Variants in GCFC2 observed in about 807,000 individuals in gnomAD.
The protein encoded by GCFC2 is intron Large complex component GCFC2.
A neutral mutation model predicts 99.4 loss-of-function variants in GCFC2; 102 were observed. That is an observed-to-expected ratio of 1.03 (90% CI 0.87 to 1.21). GCFC2 has a LOEUF of 1.21. Among genes scored for constraint, GCFC2 ranks in the 50% most tolerant of loss-of-function variants. The probability of loss-of-function intolerance (pLI) is 0.00; values close to 1 mark genes in which losing one functional copy is unlikely to be tolerated. For missense variants in GCFC2, 973 were observed against 920.9 expected, an observed-to-expected ratio of 1.06 and a Z score of -0.73; for synonymous variants, 338 against 316.8, an observed-to-expected ratio of 1.07 and a Z score of -0.71.
intron 11 of GCFC2, among the ~76,000 whole-genome samples, chr2:75,682,884 C>G (rs1159800044): frequency 6.6e-6 from 1 of 151,644 alleles, no homozygotes; most frequent in African/African-American, 2.4e-5. Flanking sequence ...AGCGAGAAGA[C>G]AAGTTTAGAG....
At chr2:75,705,788 G>A (rs949176774) in intron 2 of GCFC2, among the ~76,000 whole-genome samples, 1 of 152,008 alleles carries the variant, frequency 6.6e-6, no homozygotes, top group South Asian at 2.1e-4. Context: ...TGAAAAAGGA[G>A]TCCACGGCAC....
chr2:75,679,361 T>C (rs1206989178), intron 12 of GCFC2, among the ~76,000 whole-genome samples: 1 of 152,218 alleles, frequency 6.6e-6, no homozygotes, highest in Non-Finnish European at 1.5e-5. Context: ...AATTTCTCCT[T>C]AATTTCCTAA....
chr2:75,706,262 C>T (rs1417303825), intron 2 of GCFC2, among the ~76,000 whole-genome samples: 1 of 152,200 alleles, frequency 6.6e-6, no homozygotes, highest in Non-Finnish European at 1.5e-5. Flanking sequence ...GTATCAATGT[C>T]AATCACCCAG....
intron 11 of GCFC2, among the ~76,000 whole-genome samples, chr2:75,682,293 C>T (rs1679616537): frequency 6.6e-6 from 1 of 151,830 alleles, no homozygotes. Context: ...CTGGTGATAC[C>T]CAGGCAAACA....
At chr2:75,671,373 G>C (rs375935021) in intron 14 of GCFC2, among the ~76,000 whole-genome samples, 11 of 152,264 alleles carry the variant, frequency 7.2e-5, no homozygotes, top group African/African-American at 2.2e-4. Context: ...CTGAAATTCA[G>C]ACTTATGTAT....
chr2:75,675,153 G>A lies in GCFC2; in HGVS notation c.1813-1633C>T, dbSNP rs114061453. The stretch of plus-strand genomic sequence containing the variant: ...ATAAAGGACATTATTGAATCAACTG[G>A]CAAAAGTGGAATATGGATGGTAGAT... On this transcript the variant is annotated intron_variant, in intron 12 of 16. Transcript: ENST00000321027. 9.2e-3 allele frequency among the ~76,000 whole-genome samples: 1,408 copies of A among 152,222 alleles called. 12 individuals are homozygous for A. Among genetic ancestry groups the A allele is most frequent in the South Asian group, 0.025 (123 of 4,832 alleles).
chr2:75,673,807 T>G (rs1679229563), intron 12 of GCFC2, among the ~76,000 whole-genome samples: 2 of 152,190 alleles, frequency 1.3e-5, no homozygotes, highest in Admixed American at 1.3e-4. Flanking sequence ...CCATAAAAAT[T>G]CTTGTACATG....
chr2:75,701,793 G>C (rs996316407), intron 3 of GCFC2: 2 of 851,034 alleles, frequency 2.4e-6, no homozygotes, highest in Non-Finnish European at 2.8e-6. Context: ...TTAAGGCTTA[G>C]TATTATTGGT....
chr2:75,710,947 C>G (rs927765729), upstream of GCFC2: 15 of 1,369,942 alleles, frequency 1.1e-5, no homozygotes, highest in East Asian at 3.1e-5. Flanking sequence ...CCCGCCGCGC[C>G]TGGCCGCCGA....
rs768013682 is a variant in GCFC2 at position 75,663,315 on chromosome 2, CTTAAG to C, written c.*1346_*1350del. 4.6e-5 allele frequency: 7 copies of C among 152,202 alleles called. No individual in the cohort carries two copies. Among genetic ancestry groups the C allele is most frequent in the South Asian group, 2.1e-4 (1 of 4,824 alleles). The allele number at this position is 152,202 out of a possible 1,614,324, so 9.4% of individuals were successfully genotyped here. ...TTTGCAAAATATATTTACAGTTTCC[CTTAAG>C]TTATTTAATAAGTAGACTTAGAAAA... On this transcript the variant is annotated 3_prime_UTR_variant, in exon 17 of 17. Coordinates refer to ENST00000321027, the MANE Select transcript of GCFC2 (RefSeq NM_003203.5).
chr2:75,711,003 C>G (rs2104447179), upstream of GCFC2: 1 of 1,343,520 alleles, frequency 7.4e-7, no homozygotes, highest in African/African-American at 1.5e-5. Flanking sequence ...GCTACTCTGT[C>G]TGCGCCTGCG....
At chr2:75,664,818 G>T in intron 16 of GCFC2, 35 bp from the exon 17 acceptor site, 1 of 969,200 alleles carries the variant, frequency 1.0e-6, no homozygotes, top group Non-Finnish European at 1.7e-6. Context: ...CTTTAAAAAT[G>T]CAATGTATGA....
Position 75,689,184 on chromosome 2 carries a change from G to T in GCFC2, c.1381C>A (p.Gln461Lys). ...TTCTGGATGTTACAAAAATCATCTT[G>T]CACTTCTTCAAAAACTTTCTTCTGT... Reference protein sequence around the residue: ...QKQKKVFEEVQDDFCNIQNIL... With the variant: ...QKQKKVFEEVKDDFCNIQNIL... The change falls in exon 10 of 17, where the codon CAA (glutamine) becomes AAA (lysine). Residue 461 changes from glutamine to lysine, a missense_variant. Coordinates refer to ENST00000321027, the MANE Select transcript of GCFC2 (RefSeq NM_003203.5). 1 of 1,603,316 alleles carries T rather than the reference G, an allele frequency of 6.2e-7. No homozygotes were observed. The highest frequency in any genetic ancestry group is 8.5e-7 in the Non-Finnish European group (1 of 1,173,358).
chr2:75,674,393 T>C (rs1679252563), intron 12 of GCFC2, among the ~76,000 whole-genome samples: 1 of 152,182 alleles, frequency 6.6e-6, no homozygotes, highest in Admixed American at 6.5e-5. Flanking sequence ...TCATAAACTT[T>C]AGCTGAAGAT....
chr2:75,694,270 C>A lies in GCFC2; in HGVS notation c.991G>T (p.Glu331Ter). Residue 331 changes from glutamate (E) to a stop codon, truncating the protein, a stop_gained, in exon 6 of 17, where the codon GAA (glutamate) becomes TAA (stop). Transcript: ENST00000321027. LOFTEE classifies it high-confidence loss of function. Reference sequence around the variant, plus strand: ...TCATTAAGGCAGTCAATTAAATTTTCCACATAAATTTTCATGCTTTTATAG... The same window carrying A: ...TCATTAAGGCAGTCAATTAAATTTTACACATAAATTTTCATGCTTTTATAG... ...KFYKSMKIYV[E>*]NLIDCLNEKI... 2.8e-6 allele frequency: 3 copies of A among 1,077,076 alleles called. No homozygotes were observed. Among genetic ancestry groups the A allele is most frequent in the South Asian group, 1.5e-5 (1 of 65,034 alleles). 66.7% of individuals were successfully genotyped at this position (1,077,076 alleles called of 1,614,324 possible).
At chr2:75,688,925 TC>T (rs1679931910) in intron 10 of GCFC2, 100 bp downstream of exon 10, 1 of 665,984 alleles carries the variant, frequency 1.5e-6, no homozygotes, top group South Asian at 2.0e-5. Flanking sequence ...AAATTTCAGC[TC>T]CGACTCTAAG....
chr2:75,701,828 G>A (rs546422821), intron 3 of GCFC2: 1 of 955,118 alleles, frequency 1.0e-6, no homozygotes, highest in African/African-American at 1.8e-5. Flanking sequence ...ATTACAGCAG[G>A]GAAGATTTTA....
At chr2:75,669,231 A>C (rs1678978706) in intron 15 of GCFC2, among the ~76,000 whole-genome samples, 1 of 152,172 alleles carries the variant, frequency 6.6e-6, no homozygotes, top group Non-Finnish European at 1.5e-5. Flanking sequence ...GAATATTAAC[A>C]CTTGTTACAT....
In GCFC2 at chr2:75,701,124, C is replaced by G; in HGVS notation, c.717+66G>C. ...ATAAATGTGTGTTCTTTTGAGTCAC[C>G]AAGTTTGTGGTAATTTGTTATAGCA... On this transcript the variant is annotated intron_variant, in intron 4 of 16. Coordinates refer to ENST00000321027, the MANE Select transcript of GCFC2 (RefSeq NM_003203.5). The G allele has an allele frequency of 6.7e-6, 6 of 890,426 alleles. No homozygotes were observed. In the South Asian group the frequency reaches 8.5e-5, roughly 13 times the overall value. The allele number at this position is 890,426 out of a possible 1,614,324, so 55.2% of individuals were successfully genotyped here.
Sources: gnomAD v4.1 joint callset for allele counts (sites outside exome capture counted in the v4.1 genomes callset) on GRCh38, gnomAD v4.1.1 for gene constraint, MANE v1.5 for transcripts, NCBI Gene and HGNC (gene_info 2026-07-23, HGNC 2026-07-21) for gene names.